IFT81: variants seen among roughly 807,000 people sequenced by gnomAD.
IFT81 encodes the protein intraflagellar transport 81, also known as intraflagellar transport protein 81 homolog.
In IFT81, 72 loss-of-function variants were observed where a neutral mutation model predicts 102.6. That is an observed-to-expected ratio of 0.70 (90% CI 0.58 to 0.85). IFT81 has a LOEUF of 0.85. Ranked by LOEUF, IFT81 falls within the 40% of genes least tolerant of loss-of-function variation. IFT81 has a pLI of 0.00. For synonymous variants in IFT81, 237 were observed against 242.7 expected (o/e 0.98, Z 0.22); for missense variants, 723 against 787.3 (o/e 0.92, Z 0.98).
intron 9 of IFT81, among the ~76,000 whole-genome samples, chr12:110,146,059 G>A (rs918757087): frequency 2.0e-5 from 3 of 151,072 alleles, no homozygotes; most frequent in African/African-American, 7.3e-5. Flanking sequence ...TGATGCACCC[G>A]CCTCAGCCTC....
At chr12:110,208,915 A>G (rs1365344274) in intron 17 of IFT81, among the ~76,000 whole-genome samples, 2 of 152,194 alleles carry the variant, frequency 1.3e-5, no homozygotes, top group Non-Finnish European at 2.9e-5. Context: ...AACCAGAAAT[A>G]GTATTTAACA....
At chr12:110,149,905 G>T (rs545281826) in intron 10 of IFT81, among the ~76,000 whole-genome samples, 1 of 152,238 alleles carries the variant, frequency 6.6e-6, no homozygotes, top group Admixed American at 6.5e-5. Context: ...GCAGACCAGG[G>T]TGGTCTCGGG....
At chr12:110,134,608 T>C (rs1053064209) in intron 5 of IFT81, among the ~76,000 whole-genome samples, 1 of 152,220 alleles carries the variant, frequency 6.6e-6, no homozygotes, top group Non-Finnish European at 1.5e-5. Context: ...TGTTCATGTA[T>C]TTAGACCTGC....
At chr12:110,170,525 G>T (rs954580083) in intron 11 of IFT81, among the ~76,000 whole-genome samples, 5 of 152,142 alleles carry the variant, frequency 3.3e-5, no homozygotes, top group Admixed American at 2.0e-4. Flanking sequence ...TGATCTCTCT[G>T]ATTCTCTGCT....
intron 7 of IFT81, 47 bp downstream of exon 7, chr12:110,135,484 TTC>T: frequency 1.8e-6 from 2 of 1,101,334 alleles, no homozygotes; most frequent in Non-Finnish European, 2.7e-6. Flanking sequence ...AAATAGTTCC[TTC>T]TCATAATCCA....
intron 11 of IFT81, among the ~76,000 whole-genome samples, chr12:110,178,042 C>A (rs563516527): frequency 1.3e-5 from 2 of 151,064 alleles, no homozygotes; most frequent in African/African-American, 4.9e-5. Flanking sequence ...CTGCAGTGAG[C>A]CAAGATTGCG....
chr12:110,137,511 A>G (rs1456530685), intron 8 of IFT81, among the ~76,000 whole-genome samples: 1 of 151,570 alleles, frequency 6.6e-6, no homozygotes, highest in Non-Finnish European at 1.5e-5. Flanking sequence ...AGGCGGGTGG[A>G]TCACTTGAGG....
At chr12:110,153,476 C>T (rs1030707254) in intron 10 of IFT81, among the ~76,000 whole-genome samples, 6 of 149,810 alleles carry the variant, frequency 4.0e-5, no homozygotes, top group East Asian at 4.0e-4. Flanking sequence ...TGACCTCAGC[C>T]GATCCACCTG....
intron 9 of IFT81, among the ~76,000 whole-genome samples, chr12:110,144,689 T>G (rs1028462394): frequency 6.8e-6 from 1 of 147,544 alleles, no homozygotes; most frequent in Non-Finnish European, 1.5e-5. Context: ...TTTTTTATTT[T>G]TAGTAGAGAC....
chr12:110,180,386 C>A lies in IFT81; in HGVS notation c.1189-36C>A, dbSNP rs989951550. The A allele has an allele frequency of 7.1e-6, 10 of 1,412,608 alleles. No homozygotes were observed. In the South Asian group the frequency reaches 1.1e-4, roughly 16 times the overall value. The allele number at this position is 1,412,608 out of a possible 1,614,324, so 87.5% of individuals were successfully genotyped here. A position where few individuals can be genotyped will look rare whatever the true frequency, so the allele number is the denominator to read the frequency against. On this transcript the variant is annotated intron_variant, in intron 11 of 18. Transcript: ENST00000242591. Reference sequence around the variant, plus strand: ...TGTATGATATTTAGCTACTACTTTTCTACTCATTAGATTACATATTGTGTT... The same window carrying A: ...TGTATGATATTTAGCTACTACTTTTATACTCATTAGATTACATATTGTGTT...
At chr12:110,215,753 C>T (rs1011833579) in intron 18 of IFT81, among the ~76,000 whole-genome samples, 1 of 151,804 alleles carries the variant, frequency 6.6e-6, no homozygotes, top group Non-Finnish European at 1.5e-5. Flanking sequence ...CTCTTGCTTT[C>T]AGTCACCCTT....
intron 13 of IFT81, 160 bp downstream of exon 13, chr12:110,191,208 T>C (rs1897783597): frequency 1.6e-6 from 1 of 630,490 alleles, no homozygotes; most frequent in African/African-American, 1.9e-5. Context: ...TCTCACTCTA[T>C]TGCCCAGGCT....
chr12:110,209,147 TA>T, intron 17 of IFT81, 23 bp from the exon 18 acceptor site: 1 of 1,379,544 alleles, frequency 7.2e-7, no homozygotes, highest in Non-Finnish European at 1.0e-6. Context: ...AAATTGAAAG[TA>T]AATCATTATG....
intron 10 of IFT81, among the ~76,000 whole-genome samples, chr12:110,154,414 T>C (rs867656264): frequency 2.5e-4 from 38 of 151,602 alleles, no homozygotes; most frequent in African/African-American, 8.7e-4. Context: ...GCAGATCACA[T>C]GAGGCTAGGA....
intron 11 of IFT81, among the ~76,000 whole-genome samples, chr12:110,173,122 G>A (rs1403171427): frequency 1.4e-5 from 2 of 143,194 alleles, no homozygotes; most frequent in African/African-American, 2.6e-5. Context: ...AGGTGGGGGG[G>A]TCAGCCCCCC....
intron 14 of IFT81, among the ~76,000 whole-genome samples, chr12:110,200,674 G>A (rs775716290): frequency 5.3e-5 from 8 of 152,134 alleles, no homozygotes; most frequent in Admixed American, 1.3e-4. Context: ...TCTTGGCCGG[G>A]CACGGTGGCT....
intron 4 of IFT81, 48 bp from the exon 5 acceptor site, chr12:110,132,499 C>G: frequency 1.3e-6 from 1 of 751,514 alleles, no homozygotes; most frequent in East Asian, 3.0e-5. Context: ...AAAGAAAACT[C>G]TACTGGATCT....
intron 14 of IFT81, among the ~76,000 whole-genome samples, chr12:110,200,299 G>A (rs1423675633): frequency 2.0e-5 from 3 of 152,112 alleles, no homozygotes; most frequent in Non-Finnish European, 4.4e-5. Flanking sequence ...AGGCTATATG[G>A]TAGATATATT....
At chr12:110,164,144 A>T (rs1232618357) in intron 11 of IFT81, among the ~76,000 whole-genome samples, 1 of 152,158 alleles carries the variant, frequency 6.6e-6, no homozygotes, top group Non-Finnish European at 1.5e-5. Flanking sequence ...ATAGAAGCTT[A>T]CAACTTTAAA....
Sources: gnomAD v4.1 joint callset for allele counts (sites outside exome capture counted in the v4.1 genomes callset) on GRCh38, gnomAD v4.1.1 for gene constraint, MANE v1.5 for transcripts, NCBI Gene and HGNC (gene_info 2026-07-23, HGNC 2026-07-21) for gene names.